Variants in FGD4 observed in about 807,000 individuals in gnomAD.
FGD4 encodes FYVE, RhoGEF and PH domain-containing protein 4.
A neutral mutation model predicts 102.0 loss-of-function variants in FGD4; 42 were observed. The ratio of observed to expected loss-of-function variants is 0.41; its 90% CI spans 0.32 to 0.53. FGD4 has a LOEUF of 0.53. FGD4 is among the 20% of genes least tolerant of loss of function. The pLI is 0.21. For synonymous variants in FGD4, 380 were observed against 375.7 expected (o/e 1.01, Z -0.13); for missense variants, 902 against 1,078.2 (o/e 0.84, Z 2.29).
chr12:32,640,542 A>G lies in FGD4; in HGVS notation c.*9A>G, dbSNP rs1951110797. On this transcript the variant is annotated 3_prime_UTR_variant, in exon 17 of 17. Transcript: ENST00000534526. ...AAAAATCAGAATGCTGAACTCCTCC[A>G]GGACCAGCCATGGTGTGGAGGTCTC... 1 of 1,613,450 alleles carries G rather than the reference A, an allele frequency of 6.2e-7. No individual in the cohort carries two copies.
At chr12:32,550,461 A>G (rs113060763) in intron 1 of FGD4, among the ~76,000 whole-genome samples, 10,214 of 152,078 alleles carry the variant, frequency 0.067, 384 homozygotes, top group South Asian at 0.14. Flanking sequence ...CTTGAGCCCA[A>G]GAGTTCGAGA....
intron 1 of FGD4, among the ~76,000 whole-genome samples, chr12:32,478,697 G>T (rs1943646378): frequency 6.6e-6 from 1 of 152,182 alleles, no homozygotes; most frequent in Non-Finnish European, 1.5e-5. Context: ...AAGTGTGATT[G>T]ACTTTGTGCT....
intron 14 of FGD4, among the ~76,000 whole-genome samples, chr12:32,626,580 A>G (rs2136955329): frequency 6.6e-6 from 1 of 152,294 alleles, no homozygotes; most frequent in African/African-American, 2.4e-5. Flanking sequence ...TGAGACTGCC[A>G]AAGATCATGA....
intron 1 of FGD4, among the ~76,000 whole-genome samples, chr12:32,466,595 C>T (rs546921062): frequency 1.3e-4 from 20 of 152,132 alleles, no homozygotes; most frequent in African/African-American, 4.8e-4. Flanking sequence ...TGGCCGGGCG[C>T]GGTGGCTCAC....
At chr12:32,422,439 C>T (rs950969886) in intron 1 of FGD4, among the ~76,000 whole-genome samples, 4 of 151,090 alleles carry the variant, frequency 2.6e-5, no homozygotes, top group Admixed American at 2.0e-4. Context: ...GCTGGGACTA[C>T]AGGCGCCCGC....
At chr12:32,405,469 G>C (rs1008013265) in intron 1 of FGD4, among the ~76,000 whole-genome samples, 1 of 150,228 alleles carries the variant, frequency 6.7e-6, no homozygotes, top group Non-Finnish European at 1.5e-5. Context: ...AAGTTGGTCA[G>C]GCTGGTCTCG....
In FGD4 at chr12:32,564,301, G is replaced by A; in HGVS notation, c.319+12G>A. ...TCCAAAGCCACAAGGTATGCTCACT[G>A]GGAGTTTGTGTTCGGGGTGGGTACG... On this transcript the variant is annotated intron_variant, in intron 2 of 16. Coordinates refer to ENST00000534526, the MANE Select transcript of FGD4 (RefSeq NM_001370298.3). The A allele has an allele frequency of 1.3e-6, 2 of 1,535,270 alleles. No homozygotes were observed. Among genetic ancestry groups the A allele is most frequent in the Non-Finnish European group, 1.7e-6 (2 of 1,146,514 alleles).
chr12:32,570,809 C>T (rs1282759720), intron 2 of FGD4, among the ~76,000 whole-genome samples: 2 of 152,024 alleles, frequency 1.3e-5, no homozygotes, highest in Admixed American at 6.5e-5. Context: ...CCAGATAATA[C>T]AAAAGTCTTA....
At chr12:32,440,488 T>C (rs1942394443) in intron 1 of FGD4, among the ~76,000 whole-genome samples, 1 of 152,216 alleles carries the variant, frequency 6.6e-6, no homozygotes, top group Non-Finnish European at 1.5e-5. Flanking sequence ...CTTCCCTTAC[T>C]TTCTCCCAAA....
intron 1 of FGD4, among the ~76,000 whole-genome samples, chr12:32,521,240 A>G (rs979638168): frequency 6.6e-5 from 10 of 152,014 alleles, no homozygotes; most frequent in Non-Finnish European, 1.2e-4. Flanking sequence ...TACAAAAATT[A>G]GCTGGCATGC....
At position 32,624,482 on chromosome 12, in the gene FGD4, C is replaced by T. The variant is rs868543500; in HGVS notation, c.1953+30C>T. 4.8e-4 allele frequency: 642 copies of T among 1,344,494 alleles called. 4 individuals are homozygous for T. In the African/African-American group the frequency reaches 8.0e-3, roughly 17 times the overall value. 83.3% of individuals were successfully genotyped at this position (1,344,494 alleles called of 1,614,324 possible). A position where few individuals can be genotyped will look rare whatever the true frequency, so the allele number is the denominator to read the frequency against. On this transcript the variant is annotated intron_variant, in intron 12 of 16. Transcript: ENST00000534526. ...GCCTCATTTCTGTTTCCTTTTCTTTCTTTTTTTTTTTGAGGCAGAGTCTCA... is the reference window on the plus strand; with the variant it reads ...GCCTCATTTCTGTTTCCTTTTCTTTTTTTTTTTTTTTGAGGCAGAGTCTCA...
At chr12:32,453,552 CATTA>C (rs1032915603) in intron 1 of FGD4, among the ~76,000 whole-genome samples, 29 of 152,070 alleles carry the variant, frequency 1.9e-4, no homozygotes, top group African/African-American at 5.8e-4. Context: ...CTTAATTTAT[CATTA>C]GTCCTGGATA....
chr12:32,419,327 G>A (rs1345000241), intron 1 of FGD4, among the ~76,000 whole-genome samples: 1 of 152,216 alleles, frequency 6.6e-6, no homozygotes, highest in African/African-American at 2.4e-5. Flanking sequence ...ATGTCTCAGA[G>A]CCCAGTGCCT....
At chr12:32,434,059 A>T (rs2062601) in intron 1 of FGD4, among the ~76,000 whole-genome samples, 82,275 of 151,596 alleles carry the variant, frequency 0.54, 23,606 homozygotes, top group African/African-American at 0.74. Flanking sequence ...TTTCACCATG[A>T]TAGCCAGGAT....
At chr12:32,519,190 T>C (rs544879952) in intron 1 of FGD4, among the ~76,000 whole-genome samples, 2 of 150,464 alleles carry the variant, frequency 1.3e-5, no homozygotes, top group South Asian at 2.1e-4. Context: ...TAACCTTTCA[T>C]GTGAAGACAA....
At chr12:32,479,705 G>A (rs948901337) in intron 1 of FGD4, among the ~76,000 whole-genome samples, 2 of 148,308 alleles carry the variant, frequency 1.3e-5, no homozygotes, top group African/African-American at 5.0e-5. Context: ...AGTTATATTC[G>A]TTTACTATTT....
intron 8 of FGD4, among the ~76,000 whole-genome samples, chr12:32,609,387 G>A (rs1446282218): frequency 6.6e-6 from 1 of 152,042 alleles, no homozygotes; most frequent in African/African-American, 2.4e-5. Flanking sequence ...CAGATCTAGT[G>A]GTGGGGGTGG....
chr12:32,461,789 C>T (rs1014150737), intron 1 of FGD4, among the ~76,000 whole-genome samples: 3 of 152,118 alleles, frequency 2.0e-5, no homozygotes, highest in South Asian at 2.1e-4. Flanking sequence ...TGCAGTGCCG[C>T]GATCTCAGCT....
At position 32,435,498 on chromosome 12, in the gene FGD4, AGTGT is replaced by A. The variant is rs3076971; in HGVS notation, c.166+35556_166+35559del. On this transcript the variant is annotated intron_variant, in intron 1 of 16. Coordinates refer to ENST00000534526, the MANE Select transcript of FGD4 (RefSeq NM_001370298.3). ...AATAAATGCTAGCTACAATTAAAAA[AGTGT>A]GTGTGTGTGTGTGTGTTTTAAATGA... 4.0e-5 allele frequency among the ~76,000 whole-genome samples: 6 copies of A among 149,716 alleles called. No homozygotes were observed. In the East Asian group the frequency reaches 5.9e-4, roughly 15 times the overall value.
Sources: allele counts gnomAD v4.1 joint callset (sites outside exome capture counted in the v4.1 genomes callset), GRCh38; gene constraint gnomAD v4.1.1; transcripts MANE v1.5; gene names NCBI Gene and HGNC (gene_info 2026-07-23, HGNC 2026-07-21).